VWA8: variants seen among roughly 807,000 people sequenced by gnomAD.
VWA8 encodes von Willebrand factor A domain containing 8.
A neutral mutation model predicts 241.5 loss-of-function variants in VWA8; 221 were observed. The observed-to-expected ratio is 0.91, with a 90% CI of 0.82 to 1.02. VWA8 has a LOEUF of 1.02. VWA8 is among the 50% of genes least tolerant of loss of function. The pLI, the probability that VWA8 is intolerant of heterozygous loss-of-function variation, is 0.00. For missense variants in VWA8, 2,322 were observed against 2,328.7 expected (o/e 1.00, Z 0.06); for synonymous variants, 852 against 827.1 (o/e 1.03, Z -0.52).
At chr13:41,829,561 A>G (rs1036873335) in intron 14 of VWA8, among the ~76,000 whole-genome samples, 4 of 141,344 alleles carry the variant, frequency 2.8e-5, no homozygotes, top group African/African-American at 1.0e-4. Flanking sequence ...ACACACACAC[A>G]CACACATGCA....
At chr13:41,775,492 G>A (rs1383961171) in intron 20 of VWA8, among the ~76,000 whole-genome samples, 6 of 152,150 alleles carry the variant, frequency 3.9e-5, no homozygotes, top group African/African-American at 2.4e-5. Flanking sequence ...GTGCCAACCC[G>A]TGGCTCCTGC....
chr13:41,808,262 C>G (rs554380543), intron 17 of VWA8, among the ~76,000 whole-genome samples: 2 of 152,204 alleles, frequency 1.3e-5, no homozygotes, highest in Admixed American at 1.3e-4. Context: ...TGTGTTAGTC[C>G]GTTTTTGTAC....
intron 21 of VWA8, among the ~76,000 whole-genome samples, chr13:41,744,560 G>T (rs1167304472): frequency 6.6e-6 from 1 of 151,910 alleles, no homozygotes; most frequent in African/African-American, 2.4e-5. Flanking sequence ...TCTGGCTAAA[G>T]CAATAAGGAA....
chr13:41,792,926 C>T (rs945216158), intron 17 of VWA8, among the ~76,000 whole-genome samples: 3 of 151,968 alleles, frequency 2.0e-5, no homozygotes, highest in Admixed American at 6.5e-5. Flanking sequence ...CCTCACTAAA[C>T]TCTATTTGTT....
intron 12 of VWA8, among the ~76,000 whole-genome samples, chr13:41,833,735 T>A (rs1871590332): frequency 6.6e-6 from 1 of 152,194 alleles, no homozygotes. Flanking sequence ...TTTCCATTAC[T>A]CATTACATAA....
chr13:41,614,667 A>C (rs751891488), intron 38 of VWA8, among the ~76,000 whole-genome samples: 2 of 152,190 alleles, frequency 1.3e-5, no homozygotes, highest in African/African-American at 2.4e-5. Flanking sequence ...TAACAATCGT[A>C]ATCTCATTTA....
chr13:41,568,211 A>G lies in VWA8; in HGVS notation c.5704T>C (p.Leu1902=). 6.2e-7 allele frequency: 1 copy of G among 1,614,088 alleles called. No homozygotes were observed. The highest frequency in any genetic ancestry group is 8.5e-7 in the Non-Finnish European group (1 of 1,179,940). ...AAGGGCACTTCTTAGACACTCGACAACATGGTGGAGGTGAAGATCTGTTGT... is the reference window on the plus strand; with the variant it reads ...AAGGGCACTTCTTAGACACTCGACAGCATGGTGGAGGTGAAGATCTGTTGT... The part of the protein sequence containing the change: ...ILQQIFTSTM[L]SSV Residue 1902 remains leucine (L), a synonymous_variant, in exon 45 of 45, where the codon TTG becomes CTG. Transcript: ENST00000379310.
At chr13:41,884,132 G>C (rs1438967044) in intron 8 of VWA8, among the ~76,000 whole-genome samples, 3 of 152,152 alleles carry the variant, frequency 2.0e-5, no homozygotes, top group Admixed American at 2.0e-4. Flanking sequence ...GTAGAAGAAT[G>C]TCCTAATTCT....
At position 41,960,848 on chromosome 13, in the gene VWA8, G is replaced by C. The variant is rs777349230; in HGVS notation, c.163+5C>G. 9.2e-6 allele frequency: 14 copies of C among 1,517,574 alleles called. No homozygotes were observed. In the Admixed American group the frequency reaches 2.6e-4, roughly 28 times the overall value. 94.0% of individuals were successfully genotyped at this position (1,517,574 alleles called of 1,614,324 possible). On this transcript the variant is annotated splice_donor_5th_base_variant and intron_variant, in intron 1 of 44. Transcript: ENST00000379310. ...CAGGGAGGACAGGGGCGCACCCCGA[G>C]TTACCTGTGTCGGCCCCCGAGCCGG...
chr13:41,886,750 A>G, intron 7 of VWA8, 31 bp downstream of exon 7: 1 of 1,537,414 alleles, frequency 6.5e-7, no homozygotes, highest in South Asian at 1.2e-5. Context: ...TTCAATATTC[A>G]GTGTCCAGAC....
intron 9 of VWA8, among the ~76,000 whole-genome samples, chr13:41,872,250 G>A (rs1331063175): frequency 6.6e-6 from 1 of 152,084 alleles, no homozygotes; most frequent in Non-Finnish European, 1.5e-5. Flanking sequence ...CTCCCATTTT[G>A]TGGGTTGCCT....
At chr13:41,775,355 C>A (rs1022145793) in intron 20 of VWA8, among the ~76,000 whole-genome samples, 1 of 152,196 alleles carries the variant, frequency 6.6e-6, no homozygotes, top group African/African-American at 2.4e-5. Context: ...ATACTGAATA[C>A]AATCTCCCTT....
chr13:41,943,931 T>C (rs911082622), intron 2 of VWA8, among the ~76,000 whole-genome samples: 12 of 151,874 alleles, frequency 7.9e-5, no homozygotes, highest in African/African-American at 2.9e-4. Flanking sequence ...GGTAAAACCC[T>C]GTCTCTACTA....
intron 39 of VWA8, among the ~76,000 whole-genome samples, chr13:41,606,420 T>C (rs2044554150): frequency 6.6e-6 from 1 of 152,174 alleles, no homozygotes; most frequent in South Asian, 2.1e-4. Flanking sequence ...GTATCCATAA[T>C]ACATTAACTT....
intron 20 of VWA8, among the ~76,000 whole-genome samples, chr13:41,763,588 C>T (rs1421096544): frequency 1.3e-5 from 2 of 152,100 alleles, no homozygotes; most frequent in Non-Finnish European, 2.9e-5. Flanking sequence ...GGTATGTAAA[C>T]TTTAAATGGC....
chr13:41,795,637 C>T (rs1869658982), intron 17 of VWA8, among the ~76,000 whole-genome samples: 1 of 152,160 alleles, frequency 6.6e-6, no homozygotes, highest in African/African-American at 2.4e-5. Flanking sequence ...AGATAATGTC[C>T]TTTGCAGGGA....
chr13:41,832,206 G>A (rs1162562790), intron 13 of VWA8, among the ~76,000 whole-genome samples: 1 of 152,168 alleles, frequency 6.6e-6, no homozygotes, highest in Non-Finnish European at 1.5e-5. Flanking sequence ...TGGGATGATA[G>A]GCGTGAGCCA....
At chr13:41,731,291 G>A (rs1188081427) in intron 22 of VWA8, among the ~76,000 whole-genome samples, 1 of 152,084 alleles carries the variant, frequency 6.6e-6, no homozygotes, top group Non-Finnish European at 1.5e-5. Flanking sequence ...GGCAGGCTGA[G>A]ATTTCTTTAG....
At chr13:41,599,067 T>C (rs1251370104) in intron 40 of VWA8, among the ~76,000 whole-genome samples, 1 of 152,160 alleles carries the variant, frequency 6.6e-6, no homozygotes, top group East Asian at 1.9e-4. Context: ...ACTTACCATG[T>C]TTCATGTACT....
Sources: gnomAD v4.1 joint callset for allele counts (sites outside exome capture counted in the v4.1 genomes callset) on GRCh38, gnomAD v4.1.1 for gene constraint, MANE v1.5 for transcripts, NCBI Gene and HGNC (gene_info 2026-07-23, HGNC 2026-07-21) for gene names.